SESN2: variants seen among roughly 807,000 people sequenced by gnomAD.
SESN2 encodes the protein sestrin-2.
Under a neutral mutation model 56.0 loss-of-function variants are expected in SESN2, and 42 were observed. The ratio of observed to expected loss-of-function variants is 0.75; its 90% CI spans 0.59 to 0.97. SESN2 has a LOEUF of 0.97. Among genes scored for constraint, SESN2 ranks in the 50% least tolerant of loss-of-function variants. SESN2 has a pLI of 0.00. For missense variants in SESN2, 507 were observed against 649.4 expected (o/e 0.78, Z 2.38); for synonymous variants, 264 against 267.1 (o/e 0.99, Z 0.11).
In SESN2 at chr1:28,272,209, C is replaced by T. The variant is rs1182292112; in HGVS notation, c.355-75C>T. On this transcript the variant is annotated intron_variant, in intron 3 of 9. Transcript: ENST00000253063. Reference sequence around the variant, plus strand: ...GGAACAGTGAGCCCTACAACCTCTCCCCTGATGGGGTACCCACCCTGAGCC... The same window carrying T: ...GGAACAGTGAGCCCTACAACCTCTCTCCTGATGGGGTACCCACCCTGAGCC... 3 of 1,497,406 alleles carry T rather than the reference C, an allele frequency of 2.0e-6. No homozygotes were observed. In the East Asian group the frequency reaches 6.8e-5, roughly 34 times the overall value. 92.8% of individuals were successfully genotyped at this position (1,497,406 alleles called of 1,614,324 possible). A position where few individuals can be genotyped will look rare whatever the true frequency, so the allele number is the denominator to read the frequency against.
At chr1:28,266,423 C>T (rs1042801220) in intron 1 of SESN2, among the ~76,000 whole-genome samples, 4 of 152,084 alleles carry the variant, frequency 2.6e-5, no homozygotes, top group African/African-American at 9.7e-5. Context: ...TCATGAAATC[C>T]TCATCACTGG....
At chr1:28,267,526 G>T (rs1647598534) in intron 1 of SESN2, among the ~76,000 whole-genome samples, 1 of 152,082 alleles carries the variant, frequency 6.6e-6, no homozygotes, top group Non-Finnish European at 1.5e-5. Flanking sequence ...CTGAGGGCTG[G>T]TACTAAGTCT....
intron 6 of SESN2, among the ~76,000 whole-genome samples, 177 bp downstream of exon 6, chr1:28,273,685 C>T (rs549811171): frequency 2.0e-5 from 3 of 152,168 alleles, no homozygotes; most frequent in Non-Finnish European, 2.9e-5. Flanking sequence ...CTAGCCTTTC[C>T]GGCTGTGCGA....
chr1:28,274,100 T>G lies in SESN2; in HGVS notation c.962T>G (p.Phe321Cys), dbSNP rs1647926727. The change falls in exon 7 of 10, where the codon TTC becomes TGC. Residue 321 changes from phenylalanine to cysteine, a missense_variant. Phe to Cys is a radical substitution (Grantham distance 205). Transcript: ENST00000253063. ...CTGTGCTTTGTGGAAGACCCTACTT[T>G]CGGATATGAGGACTTCACTCGGAGA... ...DMLCFVEDPTFGYEDFTRRGA... is the reference protein window; with the variant it reads ...DMLCFVEDPTCGYEDFTRRGA... 2 of 1,614,004 alleles carry G rather than the reference T, an allele frequency of 1.2e-6. No homozygotes were observed. The highest frequency in any genetic ancestry group is 2.2e-5 in the South Asian group (2 of 91,086).
chr1:28,275,132 T>C lies in SESN2; in HGVS notation c.1211+117T>C, dbSNP rs2149039740. On this transcript the variant is annotated intron_variant, in intron 8 of 9. Coordinates refer to ENST00000253063, the MANE Select transcript of SESN2 (RefSeq NM_031459.5). ...TTTTCCTTTCTTCTTGCCTATACTG[T>C]TTTTCAAAGCAAATTGTGATTTTAA... 6 of 699,260 alleles carry C rather than the reference T, an allele frequency of 8.6e-6. No homozygotes were observed. In the South Asian group the frequency reaches 1.3e-4, roughly 16 times the overall value. 43.3% of individuals were successfully genotyped at this position (699,260 alleles called of 1,614,324 possible). A position where few individuals can be genotyped will look rare whatever the true frequency, so the allele number is the denominator to read the frequency against.
chr1:28,269,135 CTTTA>C (rs1383535416), intron 1 of SESN2, 44 bp from the exon 2 acceptor site: 1 of 1,419,832 alleles, frequency 7.0e-7, no homozygotes, highest in African/African-American at 1.4e-5. Flanking sequence ...TAATAATCCT[CTTTA>C]TTCTCCCTTC....
chr1:28,279,721 A>G (rs1201383215), intron 9 of SESN2, among the ~76,000 whole-genome samples: 2 of 151,216 alleles, frequency 1.3e-5, no homozygotes, highest in Admixed American at 6.6e-5. Flanking sequence ...AATTTTTTGT[A>G]TTTTTAGTAG....
intron 1 of SESN2, among the ~76,000 whole-genome samples, chr1:28,261,391 C>A (rs1647371360): frequency 6.6e-6 from 1 of 152,178 alleles, no homozygotes; most frequent in African/African-American, 2.4e-5. Flanking sequence ...TGTCCCAGCC[C>A]TCCTGCTAAC....
intron 8 of SESN2, among the ~76,000 whole-genome samples, chr1:28,275,538 A>C (rs1208978767): frequency 6.8e-6 from 1 of 146,014 alleles, no homozygotes; most frequent in East Asian, 2.1e-4. Context: ...GCGGATCATG[A>C]GGTTAGGAGT....
chr1:28,274,684 C>G, intron 7 of SESN2, 141 bp from the exon 8 acceptor site: 2 of 690,702 alleles, frequency 2.9e-6, no homozygotes, highest in Non-Finnish European at 5.0e-6. Context: ...CTTCCTTGAC[C>G]TCTCAGGCCC....
At chr1:28,276,097 A>G (rs1308184211) in intron 8 of SESN2, among the ~76,000 whole-genome samples, 1 of 151,930 alleles carries the variant, frequency 6.6e-6, no homozygotes, top group East Asian at 1.9e-4. Flanking sequence ...CAGTGAGCTG[A>G]GATCATACCA....
At chr1:28,267,568 C>T (rs1425490643) in intron 1 of SESN2, among the ~76,000 whole-genome samples, 2 of 152,138 alleles carry the variant, frequency 1.3e-5, no homozygotes, top group Non-Finnish European at 2.9e-5. Context: ...AACTGGGCGC[C>T]TCCTATCCCT....
Position 28,259,729 on chromosome 1 carries a change from C to T in SESN2, c.-119C>T. 1 of 679,844 alleles carries T rather than the reference C, an allele frequency of 1.5e-6. No homozygotes were observed. Among genetic ancestry groups the T allele is most frequent in the Non-Finnish European group, 2.2e-6 (1 of 446,850 alleles). The allele number at this position is 679,844 out of a possible 1,614,324, so 42.1% of individuals were successfully genotyped here. A position where few individuals can be genotyped will look rare whatever the true frequency, so the allele number is the denominator to read the frequency against. On this transcript the variant is annotated 5_prime_UTR_variant, in exon 1 of 10. Coordinates refer to ENST00000253063, the MANE Select transcript of SESN2 (RefSeq NM_031459.5). The stretch of plus-strand genomic sequence containing the variant: ...GAGCGTTCTGGAGCCCCGAGAGACG[C>T]CCCGGGGTTCTAGAAGCTCCCCGGC...
chr1:28,268,360 C>T (rs904718151), intron 1 of SESN2, among the ~76,000 whole-genome samples: 1 of 152,018 alleles, frequency 6.6e-6, no homozygotes, highest in Non-Finnish European at 1.5e-5. Flanking sequence ...CTATAGTGAG[C>T]TATGACTGCA....
At chr1:28,276,911 A>C (rs186064481) in intron 8 of SESN2, among the ~76,000 whole-genome samples, 3,521 of 72,608 alleles carry the variant, frequency 0.048, 137 homozygotes, top group African/African-American at 0.16. Flanking sequence ...TTATTTATTT[A>C]TTTCTTTATT....
intron 1 of SESN2, among the ~76,000 whole-genome samples, chr1:28,266,032 G>A (rs957016855): frequency 6.6e-6 from 1 of 152,176 alleles, no homozygotes; most frequent in Non-Finnish European, 1.5e-5. Flanking sequence ...TGAAGGCCAA[G>A]GGCTTTGTCT....
At chr1:28,267,452 T>A (rs1210707187) in intron 1 of SESN2, among the ~76,000 whole-genome samples, 1 of 152,174 alleles carries the variant, frequency 6.6e-6, no homozygotes, top group African/African-American at 2.4e-5. Context: ...GAGCTCTGCC[T>A]CCTCAGTGGG....
intron 1 of SESN2, 97 bp downstream of exon 1, chr1:28,260,034 G>C (rs568133076): frequency 1.3e-4 from 123 of 919,718 alleles, no homozygotes; most frequent in Non-Finnish European, 1.8e-4. Flanking sequence ...CCTGGGCTCG[G>C]GGAGGGAAAG....
At chr1:28,270,657 T>C (rs993632617) in intron 2 of SESN2, among the ~76,000 whole-genome samples, 2 of 152,034 alleles carry the variant, frequency 1.3e-5, no homozygotes, top group African/African-American at 4.8e-5. Context: ...CCGCAACCTC[T>C]GCCTCCCAGG....
Sources: allele counts gnomAD v4.1 joint callset (sites outside exome capture counted in the v4.1 genomes callset), GRCh38; gene constraint gnomAD v4.1.1; transcripts MANE v1.5; gene names NCBI Gene and HGNC (gene_info 2026-07-23, HGNC 2026-07-21).